NRXN3: variants seen among roughly 807,000 people sequenced by gnomAD.
NRXN3 encodes neurexin 3.
A neutral mutation model predicts 137.6 loss-of-function variants in NRXN3; 32 were observed. The ratio of observed to expected loss-of-function variants is 0.23; its 90% CI spans 0.18 to 0.31. The LOEUF (loss-of-function observed/expected upper bound fraction) is 0.31, where lower values mean the gene tolerates loss of function less well. NRXN3 is among the 10% of genes least tolerant of loss of function. The pLI is 1.00. For synonymous variants in NRXN3, 798 were observed against 784.5 expected (o/e 1.02, Z -0.29); for missense variants, 1,574 against 2,062.5 (o/e 0.76, Z 4.59).
intron 14 of NRXN3, among the ~76,000 whole-genome samples, chr14:78,979,450 A>G (rs924833740): frequency 5.3e-5 from 8 of 152,168 alleles, no homozygotes; most frequent in African/African-American, 1.9e-4. Flanking sequence ...ACACACATAT[A>G]CATAAATCTA....
At chr14:78,749,830 G>A (rs1209446415) in intron 8 of NRXN3, among the ~76,000 whole-genome samples, 1 of 152,150 alleles carries the variant, frequency 6.6e-6, no homozygotes, top group African/African-American at 2.4e-5. Flanking sequence ...TACCTATGTG[G>A]CACACAGGTC....
At chr14:79,860,710 A>G (rs957023528) in intron 20 of NRXN3, among the ~76,000 whole-genome samples, 6 of 152,244 alleles carry the variant, frequency 3.9e-5, no homozygotes, top group Non-Finnish European at 8.8e-5. Context: ...GCCAATTTTG[A>G]TAGCCAGCCA....
intron 4 of NRXN3, among the ~76,000 whole-genome samples, chr14:78,379,473 A>T (rs2088620233): frequency 6.6e-6 from 1 of 152,222 alleles, no homozygotes; most frequent in Non-Finnish European, 1.5e-5. Flanking sequence ...TCAAAAATTG[A>T]TATATCCCAC....
chr14:78,563,146 GA>G (rs886412594), intron 4 of NRXN3, among the ~76,000 whole-genome samples: 4 of 152,288 alleles, frequency 2.6e-5, no homozygotes, highest in South Asian at 2.1e-4. Flanking sequence ...GCTATCTGAA[GA>G]AAAACTATTC....
At chr14:79,166,735 C>T (rs569999580) in intron 15 of NRXN3, among the ~76,000 whole-genome samples, 1 of 151,626 alleles carries the variant, frequency 6.6e-6, no homozygotes, top group African/African-American at 2.4e-5. Context: ...AGCCAGATAT[C>T]CCTGTATTTT....
chr14:79,131,638 T>C (rs1279986941), intron 15 of NRXN3, among the ~76,000 whole-genome samples: 2 of 152,226 alleles, frequency 1.3e-5, no homozygotes, highest in African/African-American at 4.8e-5. Flanking sequence ...TTTGTTTGTC[T>C]GTGCCCTGCC....
At chr14:79,438,352 A>G (rs1454169844) in intron 15 of NRXN3, among the ~76,000 whole-genome samples, 1 of 152,212 alleles carries the variant, frequency 6.6e-6, no homozygotes, top group Non-Finnish European at 1.5e-5. Context: ...TAGACGAGAC[A>G]AACCAAACTT....
At chr14:78,502,535 C>A (rs1441776938) in intron 4 of NRXN3, among the ~76,000 whole-genome samples, 1 of 152,094 alleles carries the variant, frequency 6.6e-6, no homozygotes. Context: ...TATGAATATT[C>A]TTTTCTGTAT....
intron 15 of NRXN3, among the ~76,000 whole-genome samples, chr14:79,337,028 A>G (rs769487495): frequency 6.6e-6 from 1 of 152,128 alleles, no homozygotes; most frequent in Non-Finnish European, 1.5e-5. Flanking sequence ...CGCTTCACCT[A>G]TTTCTTGAAA....
At chr14:78,370,150 C>T (rs1417035590) in intron 4 of NRXN3, among the ~76,000 whole-genome samples, 1 of 152,116 alleles carries the variant, frequency 6.6e-6, no homozygotes, top group Non-Finnish European at 1.5e-5. Context: ...CCTATCTCCC[C>T]TTGTCTCCTC....
At chr14:78,594,226 C>A (rs1488412583) in intron 4 of NRXN3, among the ~76,000 whole-genome samples, 1 of 152,190 alleles carries the variant, frequency 6.6e-6, no homozygotes, top group Non-Finnish European at 1.5e-5. Flanking sequence ...GGGCGTGCCT[C>A]CTCGGCAAGC....
At chr14:79,496,256 G>C (rs61995169) in intron 16 of NRXN3, among the ~76,000 whole-genome samples, 51 of 140,314 alleles carry the variant, frequency 3.6e-4, no homozygotes, top group African/African-American at 9.2e-4. Flanking sequence ...CACACACACA[G>C]ACACACACAC....
chr14:79,468,950 G>A (rs1016195104), intron 16 of NRXN3, among the ~76,000 whole-genome samples: 10 of 152,132 alleles, frequency 6.6e-5, no homozygotes, highest in Non-Finnish European at 1.3e-4. Context: ...AAAAAGCTAT[G>A]CCAAGGAGCA....
At chr14:78,902,558 G>A (rs944512196) in intron 10 of NRXN3, among the ~76,000 whole-genome samples, 1 of 151,950 alleles carries the variant, frequency 6.6e-6, no homozygotes, top group Non-Finnish European at 1.5e-5. Flanking sequence ...AGGAAGGGGA[G>A]GAGGAGAAGT....
intron 16 of NRXN3, chr14:79,611,552 A>C (rs1246673721): frequency 6.6e-6 from 1 of 152,374 alleles, no homozygotes; most frequent in Non-Finnish European, 1.5e-5. Flanking sequence ...GTGAGCTGAG[A>C]TCATGCCACT....
At chr14:79,050,576 C>T (rs1314396599) in intron 15 of NRXN3, among the ~76,000 whole-genome samples, 3 of 152,218 alleles carry the variant, frequency 2.0e-5, no homozygotes, top group Non-Finnish European at 4.4e-5. Flanking sequence ...ATATGTACCA[C>T]GTGCTTTGAA....
chr14:79,304,979 T>G (rs1000971931), intron 15 of NRXN3, among the ~76,000 whole-genome samples: 2 of 152,102 alleles, frequency 1.3e-5, no homozygotes, highest in African/African-American at 4.8e-5. Context: ...CTGAAGATTC[T>G]GAATCTTGCA....
chr14:79,768,346 G>A (rs550662558), intron 19 of NRXN3, among the ~76,000 whole-genome samples: 1 of 152,344 alleles, frequency 6.6e-6, no homozygotes, highest in East Asian at 1.9e-4. Flanking sequence ...AAAGACAGCA[G>A]TAACCTCTGC....
intron 15 of NRXN3, among the ~76,000 whole-genome samples, chr14:79,012,281 G>A (rs1018596315): frequency 2.6e-5 from 4 of 152,112 alleles, no homozygotes; most frequent in Non-Finnish European, 5.9e-5. Flanking sequence ...GAAGTGAGTG[G>A]GGTGGCCTGG....
Sources: allele counts gnomAD v4.1 joint callset (sites outside exome capture counted in the v4.1 genomes callset), GRCh38; gene constraint gnomAD v4.1.1; transcripts MANE v1.5; gene names NCBI Gene and HGNC (gene_info 2026-07-23, HGNC 2026-07-21).